LTBP1: variants seen among roughly 807,000 people sequenced by gnomAD.
LTBP1 encodes latent transforming growth factor beta binding protein 1, also known as latent-transforming growth factor beta-binding protein 1.
A neutral mutation model predicts 207.6 loss-of-function variants in LTBP1; 129 were observed. That is an observed-to-expected ratio of 0.62 (90% confidence interval 0.54 to 0.72). LTBP1 has a LOEUF of 0.72. LTBP1 is among the 30% of genes least tolerant of loss of function. The pLI is 0.00. For synonymous variants in LTBP1, 963 were observed against 833.7 expected, an observed-to-expected ratio of 1.16 and a Z score of -2.67; for missense variants, 2,281 against 2,217.2, an observed-to-expected ratio of 1.03 and a Z score of -0.58.
chr2:32,974,342 T>C (rs548164490), intron 2 of LTBP1, among the ~76,000 whole-genome samples: 1 of 152,356 alleles, frequency 6.6e-6, no homozygotes, highest in East Asian at 1.9e-4. Context: ...ATTTCTCTGA[T>C]GATCAGTGAT....
At chr2:33,040,974 C>A (rs1477098438) in intron 3 of LTBP1, among the ~76,000 whole-genome samples, 4 of 152,204 alleles carry the variant, frequency 2.6e-5, no homozygotes, top group African/African-American at 9.7e-5. Context: ...TACCAGCTGA[C>A]TGTCAGACTG....
intron 31 of LTBP1, among the ~76,000 whole-genome samples, chr2:33,385,394 T>C (rs2095257035): frequency 6.6e-6 from 1 of 152,240 alleles, no homozygotes; most frequent in Non-Finnish European, 1.5e-5. Context: ...CTCATTATAA[T>C]ACTGTCTTTA....
At chr2:33,257,173 T>C (rs1252586792) in intron 11 of LTBP1, 111 bp from the exon 12 acceptor site, 1 of 738,582 alleles carries the variant, frequency 1.4e-6, no homozygotes, top group Admixed American at 3.0e-5. Flanking sequence ...AGTTTTAAAA[T>C]GTAACTACAT....
intron 9 of LTBP1, among the ~76,000 whole-genome samples, chr2:33,225,750 G>A (rs2091398701): frequency 6.6e-6 from 1 of 152,022 alleles, no homozygotes; most frequent in Non-Finnish European, 1.5e-5. Context: ...ACCCTTCCCA[G>A]CCTCTAGTTA....
intron 2 of LTBP1, among the ~76,000 whole-genome samples, chr2:32,969,216 G>A (rs899821118): frequency 6.9e-6 from 1 of 144,176 alleles, no homozygotes; most frequent in African/African-American, 2.6e-5. Context: ...GTGAGCCATG[G>A]CACCTGGCCA....
At position 33,129,782 on chromosome 2, in the gene LTBP1, G is replaced by A. The variant is rs190366747; in HGVS notation, c.1034-5011G>A. 2.3e-3 allele frequency among the ~76,000 whole-genome samples: 354 copies of A among 152,228 alleles called. 5 individuals carry two copies. Among genetic ancestry groups the A allele is most frequent in the Non-Finnish European group, 3.4e-4 (23 of 68,004 alleles). ...ATCTGAGACTTAGATTTCTATCACT[G>A]TTGTAGCAATTGTTTCTCTCTGCCT... is the stretch of plus-strand genomic sequence containing the variant. On this transcript the variant is annotated intron_variant, in intron 4 of 33. Coordinates refer to ENST00000404816, the MANE Select transcript of LTBP1 (RefSeq NM_206943.4).
chr2:33,087,642 G>C (rs940847146), intron 3 of LTBP1, among the ~76,000 whole-genome samples: 3 of 152,094 alleles, frequency 2.0e-5, no homozygotes, highest in Non-Finnish European at 4.4e-5. Flanking sequence ...CTTCAATCAT[G>C]GAAGAAACAG....
chr2:33,264,632 A>G (rs1247352778), intron 15 of LTBP1, among the ~76,000 whole-genome samples: 5 of 152,204 alleles, frequency 3.3e-5, no homozygotes, highest in Non-Finnish European at 5.9e-5. Flanking sequence ...GTAACAGAAA[A>G]TTTCGACTTT....
At position 33,263,376 on chromosome 2, in the gene LTBP1, T is replaced by C. The variant is rs772531822; in HGVS notation, c.2601T>C (p.Ala867=). The C allele has an allele frequency of 3.7e-6, 6 of 1,613,468 alleles. No homozygotes were observed. Among genetic ancestry groups the C allele is most frequent in the Non-Finnish European group, 5.1e-6 (6 of 1,179,626 alleles). The stretch of plus-strand genomic sequence containing the variant: ...CGTCTAGTGCCAGCCAAGTGATTGC[T>C]CCTACTCAAGTGACAGGTTGGTGCA... ...ASTSSASQVI[A]PTQVTEINEC... Residue 867 remains alanine, a synonymous_variant, in exon 15 of 34, where the codon GCT becomes GCC. Transcript: ENST00000404816.
In LTBP1 at chr2:33,397,198, G is replaced by A. The variant is rs771915065; in HGVS notation, c.4900G>A (p.Gly1634Ser). 1 of 1,614,178 alleles carries A rather than the reference G, an allele frequency of 6.2e-7. No individual in the cohort carries two copies. The highest frequency in any genetic ancestry group is 1.1e-5 in the South Asian group (1 of 91,088). The change falls in exon 33 of 34, where the codon GGT becomes AGT. Residue 1634 changes from glycine (G) to serine (S), a missense_variant. Around this residue, in one of 3 missense-constraint regions of LTBP1, gnomAD observed 1,671 missense variants for 1,634.8 expected, o/e 1.02. Coordinates refer to ENST00000404816, the MANE Select transcript of LTBP1 (RefSeq NM_206943.4). ...ECGILNGCEN[G>S]RCVRVQEGYT... is the part of the protein sequence containing the mutation. ...CGGCATCCTCAATGGATGTGAAAAT[G>A]GTCGCTGTGTGAGGGTCCAGGAAGG...
Position 32,947,716 on chromosome 2 carries a change from T to C in LTBP1, c.392T>C (p.Phe131Ser). 2 of 1,534,706 alleles carry C rather than the reference T, an allele frequency of 1.3e-6. No individual in the cohort carries two copies. Among genetic ancestry groups the C allele is most frequent in the Non-Finnish European group, 1.8e-6 (2 of 1,142,140 alleles). The change falls in exon 1 of 34, where the codon TTC (phenylalanine) becomes TCC (serine). Residue 131 changes from phenylalanine to serine, a missense_variant. By Grantham distance (155) the Phe-to-Ser change is radical. Transcript: ENST00000404816. Reference protein sequence around the residue: ...NPGGHPAAAPFTKQGRQVVRS... With the variant: ...NPGGHPAAAPSTKQGRQVVRS... ...GGCGGCCACCCGGCAGCCGCCCCGT[T>C]CACCAAACAAGGCAGGCAAGTTGTG... is the stretch of plus-strand genomic sequence containing the variant.
intron 5 of LTBP1, among the ~76,000 whole-genome samples, chr2:33,141,258 G>A (rs906281222): frequency 2.0e-5 from 3 of 152,196 alleles, no homozygotes; most frequent in Non-Finnish European, 2.9e-5. Context: ...CAAAGAGAAA[G>A]TAGAATGGTG....
At chr2:33,027,558 C>T (rs6729864) in intron 3 of LTBP1, among the ~76,000 whole-genome samples, 1,757 of 152,136 alleles carry the variant, frequency 0.012, 36 homozygotes, top group African/African-American at 0.04. Context: ...AGAAGAAGGC[C>T]GGGCGCAGTA....
At chr2:33,284,326 A>G (rs1477373082) in intron 19 of LTBP1, among the ~76,000 whole-genome samples, 1 of 152,154 alleles carries the variant, frequency 6.6e-6, no homozygotes, top group Non-Finnish European at 1.5e-5. Context: ...TTTATTATCC[A>G]CTTCAAATAT....
At chr2:33,320,732 T>G (rs530082373) in intron 24 of LTBP1, among the ~76,000 whole-genome samples, 1 of 152,032 alleles carries the variant, frequency 6.6e-6, no homozygotes, top group South Asian at 2.1e-4. Flanking sequence ...ACGCCAAGAG[T>G]TGTAAACACT....
At position 33,273,700 on chromosome 2, in the gene LTBP1, C is replaced by T. The variant is rs1228768716; in HGVS notation, c.2662C>T (p.His888Tyr). The T allele has an allele frequency of 1.9e-6, 3 of 1,611,352 alleles. No homozygotes were observed. The highest frequency in any genetic ancestry group is 1.7e-5 in the Admixed American group (1 of 59,732). The change falls in exon 16 of 34, where the codon CAC (histidine) becomes TAC (tyrosine). Residue 888 changes from histidine to tyrosine, a missense_variant. Transcript: ENST00000404816. The part of the protein sequence containing the change: ...TVNPDICGAG[H>Y]CINLPVRYTC... ...GAACCCTGATATCTGTGGAGCAGGA[C>T]ACTGCATTAACCTACCAGTGAGATA...
intron 2 of LTBP1, among the ~76,000 whole-genome samples, chr2:33,011,052 G>A (rs1031586875): frequency 3.9e-5 from 6 of 152,188 alleles, no homozygotes; most frequent in East Asian, 3.9e-4. Flanking sequence ...GGGTAGGATG[G>A]TTCTAACTTT....
intron 31 of LTBP1, among the ~76,000 whole-genome samples, chr2:33,384,282 G>T (rs2095246702): frequency 6.6e-6 from 1 of 152,170 alleles, no homozygotes; most frequent in Non-Finnish European, 1.5e-5. Context: ...GTGATCAATG[G>T]CCTGGATCTT....
chr2:33,232,477 T>A (rs949160667), intron 9 of LTBP1, among the ~76,000 whole-genome samples: 2 of 152,174 alleles, frequency 1.3e-5, no homozygotes, highest in African/African-American at 4.8e-5. Context: ...TTGTCAAAGG[T>A]GTACCTAATG....
Sources: gnomAD v4.1 joint callset for allele counts (sites outside exome capture counted in the v4.1 genomes callset) on GRCh38, gnomAD v4.1.1 for gene constraint, gnomAD v4.1.1 regional missense constraint, MANE v1.5 for transcripts, NCBI Gene and HGNC (gene_info 2026-07-23, HGNC 2026-07-21) for gene names.